Variants in CRB2 observed in about 807,000 individuals in gnomAD.
CRB2 encodes protein crumbs homolog 2.
A neutral mutation model predicts 110.9 loss-of-function variants in CRB2; 85 were observed. The ratio of observed to expected loss-of-function variants is 0.77; its 90% CI spans 0.64 to 0.92. CRB2 has a LOEUF of 0.92. Among genes scored for constraint, CRB2 ranks in the 40% least tolerant of loss-of-function variants. The pLI is 0.00. For synonymous variants in CRB2, 907 were observed against 831.0 expected, an observed-to-expected ratio of 1.09 and a Z score of -1.57; for missense variants, 1,843 against 1,851.3, an observed-to-expected ratio of 1.00 and a Z score of 0.08.
rs544782813 is a variant in CRB2, at chr9:123,356,863, T to C, written c.94+509T>C. ...GAGCCGTGAGTTGTGTCCGAGGAGT[T>C]GGGTGTGGTGAGCTGTGTCCTAGCA... On this transcript the variant is annotated intron_variant, in intron 1 of 12. Transcript: ENST00000373631. 3.5e-3 allele frequency among the ~76,000 whole-genome samples: 527 copies of C among 151,918 alleles called. 2 individuals are homozygous for C. The highest frequency in any genetic ancestry group is 5.8e-3 in the Admixed American group (88 of 15,282).
intron 10 of CRB2, 65 bp from the exon 11 acceptor site, chr9:123,374,514 C>T (rs2042073349): frequency 4.1e-6 from 5 of 1,205,710 alleles, no homozygotes; most frequent in Non-Finnish European, 6.0e-6. Context: ...GGCCCACGGT[C>T]ACAGCGCTGG....
At position 123,373,617 on chromosome 9, in the gene CRB2, C is replaced by G. The variant is rs760034564; in HGVS notation, c.3086C>G (p.Pro1029Arg). ...LGGLPLPLARPRPGAAPGARE... is the reference protein window; with the variant it reads ...LGGLPLPLARRRPGAAPGARE... ...GGCCTGCCCCTGCCCTTGGCGCGGC[C>G]CCGGCCCGGCGCGGCCCCTGGCGCC... The change falls in exon 10 of 13, where the codon CCC becomes CGC. Residue 1029 changes from proline to arginine, a missense_variant. Transcript: ENST00000373631. 21 of 1,361,660 alleles carry G rather than the reference C, an allele frequency of 1.5e-5. No individual in the cohort carries two copies. The highest frequency in any genetic ancestry group is 2.0e-5 in the Non-Finnish European group (21 of 1,065,072). The allele number at this position is 1,361,660 out of a possible 1,614,324, so 84.3% of individuals were successfully genotyped here. A position where few individuals can be genotyped will look rare whatever the true frequency, so the allele number is the denominator to read the frequency against.
Position 123,367,590 on chromosome 9 carries a change from G to T in CRB2, c.958G>T (p.Glu320Ter). The stretch of plus-strand genomic sequence containing the variant: ...TCTTACAGGAGCCGACTGCGGTGTG[G>T]AGGTGGACGAGTGTGCCTCACGGCC... ...PGFEGADCGV[E>*]VDECASRPCL... The change falls in exon 6 of 13, where the codon GAG (glutamate) becomes TAG (stop). Residue 320 changes from glutamate to a stop codon, truncating the protein, a stop_gained. Transcript: ENST00000373631. LOFTEE classifies it high-confidence loss of function. 1 of 1,560,152 alleles carries T rather than the reference G, an allele frequency of 6.4e-7. No individual in the cohort carries two copies.
In CRB2 at chr9:123,373,643, C is replaced by T. The variant is rs1304499132; in HGVS notation, c.3112C>T (p.Arg1038Ter). The change falls in exon 10 of 13, where the codon CGA (arginine) becomes TGA (stop). Residue 1038 changes from arginine to a stop codon, truncating the protein, a stop_gained. Coordinates refer to ENST00000373631, the MANE Select transcript of CRB2 (RefSeq NM_173689.7). LOFTEE classifies it high-confidence loss of function. ...CCGGCCCGGCGCGGCCCCTGGCGCC[C>T]GAGAGCACTTCGCGTCTTGGCCTGG... ...RPRPGAAPGA[R>*]EHFASWPGTP... 1.4e-6 allele frequency: 2 copies of T among 1,403,154 alleles called. No individual in the cohort carries two copies. The highest frequency in any genetic ancestry group is 1.5e-5 in the African/African-American group (1 of 66,242). 86.9% of individuals were successfully genotyped at this position (1,403,154 alleles called of 1,614,324 possible).
intron 2 of CRB2, among the ~76,000 whole-genome samples, chr9:123,363,516 C>T (rs963363013): frequency 6.6e-6 from 1 of 152,172 alleles, no homozygotes; most frequent in Non-Finnish European, 1.5e-5. Flanking sequence ...CCTGGCGTGA[C>T]TTTAGTGAGG....
chr9:123,361,404 T>C (rs2041867508), intron 1 of CRB2, among the ~76,000 whole-genome samples: 1 of 152,168 alleles, frequency 6.6e-6, no homozygotes, highest in South Asian at 2.1e-4. Context: ...CTGTGCCCTT[T>C]CCTGGGGGAG....
intron 1 of CRB2, among the ~76,000 whole-genome samples, chr9:123,360,418 G>A (rs1397013522): frequency 1.3e-5 from 2 of 152,162 alleles, no homozygotes; most frequent in Non-Finnish European, 2.9e-5. Context: ...GGCCCGGGAA[G>A]GGGGGACAGC....
chr9:123,379,522 T>C (rs965683135), downstream of CRB2: 1 of 151,976 alleles, frequency 6.6e-6, no homozygotes, highest in African/African-American at 2.4e-5. Context: ...CTTGGGAGGG[T>C]GCGGGGAGTT....
chr9:123,370,940 C>T lies in CRB2; in HGVS notation c.1887C>T (p.Cys629=), dbSNP rs147850317. The T allele has an allele frequency of 4.3e-5, 69 of 1,608,708 alleles. No homozygotes were observed. The highest frequency in any genetic ancestry group is 3.3e-4 in the Middle Eastern group (2 of 6,060). The change falls in exon 7 of 13, where the codon TGC becomes TGT. Residue 629 remains cysteine (C), a synonymous_variant. Coordinates refer to ENST00000373631, the MANE Select transcript of CRB2 (RefSeq NM_173689.7). ...TGGATCTGTGGACTCATTTCCGTTG[C>T]GACTGTGCCCGGCCCCATAGAGGTC... The part of the protein sequence containing the change: ...SCVDLWTHFR[C]DCARPHRGPT...
Position 123,373,701 on chromosome 9 carries a change from C to A in CRB2, c.3170C>A (p.Ala1057Glu). The change falls in exon 10 of 13, where the codon GCG (alanine) becomes GAG (glutamate). Residue 1057 changes from alanine (A) to glutamate (E), a missense_variant. Transcript: ENST00000373631. ...GCCCCGATCCTCGGCTGCCGCGGCG[C>A]GCCCGTGTGTGCGCCCTCGCCCTGT... ...TPAPILGCRG[A>E]PVCAPSPCLH... The A allele has an allele frequency of 1.3e-6, 2 of 1,499,204 alleles. No individual in the cohort carries two copies. Among genetic ancestry groups the A allele is most frequent in the Non-Finnish European group, 1.8e-6 (2 of 1,136,042 alleles). 92.9% of individuals were successfully genotyped at this position (1,499,204 alleles called of 1,614,324 possible).
downstream of CRB2, chr9:123,379,789 G>C (rs1459799816): frequency 6.6e-6 from 1 of 152,504 alleles, no homozygotes; most frequent in Admixed American, 6.5e-5. Context: ...CAGCCAGGGG[G>C]CCTTGGGGTA....
intron 6 of CRB2, 115 bp from the exon 7 acceptor site, chr9:123,369,993 A>T: frequency 2.4e-6 from 3 of 1,231,364 alleles, no homozygotes; most frequent in South Asian, 1.5e-5. Flanking sequence ...TCCTCTGGGA[A>T]TTGGTTTGGC....
Position 123,370,872 on chromosome 9 carries a change from G to C in CRB2, c.1819G>C (p.Glu607Gln). 5 of 1,611,362 alleles carry C rather than the reference G, an allele frequency of 3.1e-6. No homozygotes were observed. The highest frequency in any genetic ancestry group is 4.2e-6 in the Non-Finnish European group (5 of 1,180,022). Reference protein sequence around the residue: ...ENVLLGCERREQCRPLPCVHG... With the variant: ...ENVLLGCERRQQCRPLPCVHG... ...CGTCCTCCTGGGCTGTGAGCGCCGA[G>C]AGCAGTGCCGGCCTCTGCCTTGTGT... The change falls in exon 7 of 13, where the codon GAG becomes CAG. Residue 607 changes from glutamate to glutamine, a missense_variant. Physicochemically the swap from Glu to Gln is conservative, Grantham distance 29 (BLOSUM62 2). Coordinates refer to ENST00000373631, the MANE Select transcript of CRB2 (RefSeq NM_173689.7).
At position 123,370,640 on chromosome 9, in the gene CRB2, G is replaced by A. The variant is rs33984675; in HGVS notation, c.1587G>A (p.Ala529=). Residue 529 remains alanine (A), a synonymous_variant, in exon 7 of 13, where the codon GCG becomes GCA. Transcript: ENST00000373631. ...WHQVEVVLHL[A]TLELRLWHEG... is the part of the protein sequence containing the mutation. ...AGGTGGAGGTTGTGCTCCATCTAGCGACCCTGGAGCTACGGCTCTGGCATG... is the reference window on the plus strand; with the variant it reads ...AGGTGGAGGTTGTGCTCCATCTAGCAACCCTGGAGCTACGGCTCTGGCATG... 0.28 allele frequency: 446,972 copies of A among 1,609,660 alleles called. 65,275 individuals are homozygous for A. The highest frequency in any genetic ancestry group is 0.3 in the Non-Finnish European group (355,058 of 1,179,956).
intron 12 of CRB2, 84 bp from the exon 13 acceptor site, chr9:123,376,754 T>C: frequency 1.6e-6 from 2 of 1,283,276 alleles, no homozygotes; most frequent in Non-Finnish European, 2.2e-6. Context: ...GAGTAGGTCC[T>C]TGTGCTGCGC....
Position 123,378,412 on chromosome 9 carries a change from ACAGT to A in CRB2, c.*1354_*1357del, listed in dbSNP as rs984474164. 2 of 152,326 alleles carry A rather than the reference ACAGT, an allele frequency of 1.3e-5. No individual in the cohort carries two copies. The highest frequency in any genetic ancestry group is 2.4e-5 in the African/African-American group (1 of 41,470). The allele number at this position is 152,326 out of a possible 1,614,324, so 9.4% of individuals were successfully genotyped here. ...TAGATCCGTTTACACTTTTGGGTCG[ACAGT>A]CAGCTTTTCCTTTTGGTTTTGGCGG... On this transcript the variant is annotated 3_prime_UTR_variant, in exon 13 of 13. Transcript: ENST00000373631.
At chr9:123,372,383 A>G in intron 9 of CRB2, 41 bp downstream of exon 9, 1 of 1,553,158 alleles carries the variant, frequency 6.4e-7, no homozygotes, top group Non-Finnish European at 8.7e-7. Context: ...TGGGTGCTGG[A>G]CACCTAAGCT....
rs11792496 is a variant in CRB2 at position 123,375,256 on chromosome 9, C to T, written c.3546C>T (p.Cys1182=). 6.2e-7 allele frequency: 1 copy of T among 1,612,302 alleles called. No individual in the cohort carries two copies. The highest frequency in any genetic ancestry group is 8.5e-7 in the Non-Finnish European group (1 of 1,179,202). ...VPTLPCEANP[C]LNGGTCRAAG... ...CTCTCCCCTGTGAAGCCAACCCCTG[C>T]TTGAATGGGGGCACCTGCCGGGCAG... Residue 1182 remains cysteine (C), a synonymous_variant, in exon 12 of 13, where the codon TGC becomes TGT. Transcript: ENST00000373631.
rs753104422 is a variant in CRB2 at position 123,362,884 on chromosome 9, C to T, written c.114C>T (p.Pro38=). The T allele has an allele frequency of 1.9e-6, 3 of 1,587,298 alleles. No individual in the cohort carries two copies. Among genetic ancestry groups the T allele is most frequent in the Non-Finnish European group, 2.6e-6 (3 of 1,159,282 alleles). ...CTACAGGGACGGTGCCTTCAGAGCC[C>T]CCCAGTGCCTGTGCCTCAGACCCGT... The part of the protein sequence containing the change: ...SLLAGTVPSE[P]PSACASDPCA... Residue 38 remains proline (P), a synonymous_variant, in exon 2 of 13, where the codon CCC becomes CCT. Transcript: ENST00000373631.
Sources: gnomAD v4.1 joint callset for allele counts (sites outside exome capture counted in the v4.1 genomes callset) on GRCh38, gnomAD v4.1.1 for gene constraint, MANE v1.5 for transcripts, NCBI Gene and HGNC (gene_info 2026-07-23, HGNC 2026-07-21) for gene names.